Variants in ACBD5 observed in about 807,000 individuals in gnomAD.
ACBD5 encodes the protein acyl-CoA-binding domain-containing protein 5.
In ACBD5, 40 loss-of-function variants were observed where a neutral mutation model predicts 71.8. The ratio of observed to expected loss-of-function variants is 0.56; its 90% CI spans 0.43 to 0.72. The LOEUF (loss-of-function observed/expected upper bound fraction) is 0.72, where lower values mean the gene tolerates loss of function less well. Among genes scored for constraint, ACBD5 ranks in the 30% least tolerant of loss-of-function variants. The pLI is 0.00. For synonymous variants in ACBD5, 229 were observed against 218.6 expected, an observed-to-expected ratio of 1.05 and a Z score of -0.42; for missense variants, 559 against 644.5, an observed-to-expected ratio of 0.87 and a Z score of 1.44.
At chr10:27,226,320 A>G (rs1373473059) in intron 4 of ACBD5, among the ~76,000 whole-genome samples, 3 of 151,974 alleles carry the variant, frequency 2.0e-5, no homozygotes, top group Admixed American at 2.0e-4. Context: ...TGAAGAGGTT[A>G]TTCTCTGAGG....
downstream of ACBD5, among the ~76,000 whole-genome samples, chr10:27,190,536 A>G (rs2059036014): frequency 2.0e-5 from 3 of 152,222 alleles, no homozygotes; most frequent in Non-Finnish European, 4.4e-5. Context: ...CCTTACTATT[A>G]TGCTCCAAAA....
At chr10:27,223,921 A>C (rs2137671944) in intron 4 of ACBD5, among the ~76,000 whole-genome samples, 1 of 152,186 alleles carries the variant, frequency 6.6e-6, no homozygotes, top group Non-Finnish European at 1.5e-5. Flanking sequence ...AAAAATTAAA[A>C]AATAAAATAA....
chr10:27,193,088 CCCTT>C (rs1265824599), downstream of ACBD5, among the ~76,000 whole-genome samples: 5 of 144,934 alleles, frequency 3.4e-5, no homozygotes, highest in East Asian at 2.1e-4. Context: ...CTCCCTCCCT[CCCTT>C]CCTCTCTCTC....
chr10:27,241,658 A>C (rs1301704469), upstream of ACBD5, among the ~76,000 whole-genome samples: 5 of 100,440 alleles, frequency 5.0e-5, no homozygotes, highest in African/African-American at 2.2e-4. Flanking sequence ...GCTTGAGGCC[A>C]GGAGTTCAAG....
At chr10:27,237,139 T>C (rs2064815931) in intron 2 of ACBD5, among the ~76,000 whole-genome samples, 1 of 145,664 alleles carries the variant, frequency 6.9e-6, no homozygotes, top group African/African-American at 2.4e-5. Context: ...AAATCTAAAT[T>C]TAAAACATCA....
upstream of ACBD5, chr10:27,242,103 C>A (rs1403747702): frequency 2.2e-6 from 1 of 449,360 alleles, no homozygotes; most frequent in South Asian, 1.6e-5. Context: ...TCCCCGACGC[C>A]CGCCCCTCGC....
At chr10:27,191,902 A>G (rs562816705), downstream of ACBD5, among the ~76,000 whole-genome samples, 1 of 126,510 alleles carries the variant, frequency 7.9e-6, no homozygotes, top group South Asian at 2.1e-4. Context: ...AAAAAATAAT[A>G]ACAATAAAGT....
At chr10:27,198,832 C>A (rs1424776344) in intron 12 of ACBD5, among the ~76,000 whole-genome samples, 9 of 152,180 alleles carry the variant, frequency 5.9e-5, no homozygotes, top group African/African-American at 2.2e-4. Context: ...GCAGACAAAG[C>A]CGGAACTGTA....
intron 3 of ACBD5, among the ~76,000 whole-genome samples, chr10:27,232,478 A>AC (rs1269962455): frequency 1.5e-4 from 22 of 151,320 alleles, no homozygotes; most frequent in Admixed American, 1.3e-3. Flanking sequence ...ACAGGCATGC[A>AC]CCCCCACACC....
At chr10:27,236,749 A>C (rs1231928711) in intron 2 of ACBD5, among the ~76,000 whole-genome samples, 1 of 151,910 alleles carries the variant, frequency 6.6e-6, no homozygotes, top group Non-Finnish European at 1.5e-5. Flanking sequence ...TTAGCCGGGC[A>C]TGACGGTGGG....
intron 3 of ACBD5, among the ~76,000 whole-genome samples, chr10:27,233,059 A>C (rs2138217526): frequency 6.6e-6 from 1 of 152,324 alleles, no homozygotes; most frequent in African/African-American, 2.4e-5. Flanking sequence ...AGAAATCTTA[A>C]AACAAGCTTA....
intron 4 of ACBD5, among the ~76,000 whole-genome samples, chr10:27,225,924 T>C (rs989377366): frequency 1.3e-5 from 2 of 152,078 alleles, no homozygotes; most frequent in African/African-American, 4.8e-5. Flanking sequence ...ACTTTGTCCT[T>C]ATTTTTAAGG....
intron 5 of ACBD5, among the ~76,000 whole-genome samples, chr10:27,220,948 C>T (rs1557165): frequency 0.069 from 10,463 of 152,202 alleles, 681 homozygotes; most frequent in African/African-American, 0.17. Context: ...AAATTACAAA[C>T]ATCAAACATT....
At chr10:27,219,676 C>T in intron 6 of ACBD5, 47 bp downstream of exon 6, 1 of 1,609,474 alleles carries the variant, frequency 6.2e-7, no homozygotes, top group South Asian at 1.1e-5. Flanking sequence ...TTCATACCCT[C>T]TTAGTTTATT....
intron 10 of ACBD5, among the ~76,000 whole-genome samples, chr10:27,206,793 G>T (rs1589055217): frequency 6.6e-6 from 1 of 151,850 alleles, no homozygotes; most frequent in East Asian, 2.0e-4. Flanking sequence ...TGAAATTACA[G>T]GTGTGAGTCA....
intron 4 of ACBD5, among the ~76,000 whole-genome samples, chr10:27,229,112 AC>A (rs1564694252): frequency 6.6e-6 from 1 of 150,718 alleles, no homozygotes; most frequent in African/African-American, 2.4e-5. Flanking sequence ...CTGAGCCACC[AC>A]AGCCGGCGTT....
chr10:27,235,643 C>T (rs2064567012), intron 2 of ACBD5, among the ~76,000 whole-genome samples: 1 of 152,128 alleles, frequency 6.6e-6, no homozygotes, highest in African/African-American at 2.4e-5. Context: ...ATTTCAAATT[C>T]TCAGTAGATA....
chr10:27,238,560 ATTTTATTTGT>A (rs1589418487), intron 2 of ACBD5, among the ~76,000 whole-genome samples: 1 of 152,082 alleles, frequency 6.6e-6, no homozygotes, highest in East Asian at 1.9e-4. Flanking sequence ...TTTTTTTTAT[ATTTTATTTGT>A]TCTTTCTTAT....
chr10:27,218,158 T>C lies in ACBD5; in HGVS notation c.651A>G (p.Ala217=). ...CAATGACTTCCAAATTCTTATGGTC[T>C]GCTGACTTCTTCATCATTTTCTTAT... The part of the protein sequence containing the change: ...DNDKKMMKKS[A]DHKNLEVIVT... The change falls in exon 7 of 13, where the codon GCA becomes GCG. Residue 217 remains alanine, a synonymous_variant. Transcript: ENST00000396271. The C allele has an allele frequency of 6.2e-7, 1 of 1,614,034 alleles. No homozygotes were observed. Among genetic ancestry groups the C allele is most frequent in the Non-Finnish European group, 8.5e-7 (1 of 1,179,930 alleles).
Sources: allele counts gnomAD v4.1 joint callset (sites outside exome capture counted in the v4.1 genomes callset), GRCh38; gene constraint gnomAD v4.1.1; transcripts MANE v1.5; gene names NCBI Gene and HGNC (gene_info 2026-07-23, HGNC 2026-07-21).